TBC1D1: variants seen among roughly 807,000 people sequenced by gnomAD.
The protein encoded by TBC1D1 is TBC1 (tre-2/USP6, BUB2, cdc16) domain family, member 1.
Under a neutral mutation model 125.6 loss-of-function variants are expected in TBC1D1, and 89 were observed. That is an observed-to-expected ratio of 0.71 (90% CI 0.60 to 0.85). TBC1D1 has a LOEUF of 0.85. TBC1D1 is among the 40% of genes least tolerant of loss of function. The pLI is 0.00. For synonymous variants in TBC1D1, 565 were observed against 564.1 expected (o/e 1.00, Z -0.02); for missense variants, 1,377 against 1,469.2 (o/e 0.94, Z 1.03).
rs372190938 is a variant in TBC1D1, at chr4:38,133,078, T to C, written c.3133-6T>C. The C allele has an allele frequency of 2.0e-5, 32 of 1,607,844 alleles. No individual in the cohort carries two copies. The African/African-American group carries it at 4.0e-4, about 20-fold the overall frequency. ...TAGTACGTGATGACTTTTCTTTCTA[T>C]AACAGGTATTTGAAATGGACATCGC... is the stretch of plus-strand genomic sequence containing the variant. On this transcript the variant is annotated splice_polypyrimidine_tract_variant and splice_region_variant and intron_variant, in intron 18 of 19. Coordinates refer to ENST00000261439, the MANE Select transcript of TBC1D1 (RefSeq NM_015173.4).
chr4:37,939,336 G>T (rs556002792), intron 2 of TBC1D1, among the ~76,000 whole-genome samples: 1 of 152,352 alleles, frequency 6.6e-6, no homozygotes, highest in South Asian at 2.1e-4. Flanking sequence ...TTTGAGAAGT[G>T]TCTGTTCCTA....
chr4:38,121,623 C>T (rs1763867256), intron 17 of TBC1D1, among the ~76,000 whole-genome samples: 1 of 152,182 alleles, frequency 6.6e-6, no homozygotes, highest in Non-Finnish European at 1.5e-5. Flanking sequence ...GCGGCTCCAA[C>T]AGTTCACTGT....
chr4:37,910,921 C>T (rs1446895609), intron 2 of TBC1D1, among the ~76,000 whole-genome samples: 1 of 151,542 alleles, frequency 6.6e-6, no homozygotes, highest in Non-Finnish European at 1.5e-5. Flanking sequence ...AATATATATA[C>T]CTACTATGCA....
chr4:38,062,928 C>T (rs980180989), intron 12 of TBC1D1, among the ~76,000 whole-genome samples: 1 of 152,066 alleles, frequency 6.6e-6, no homozygotes, highest in Non-Finnish European at 1.5e-5. Flanking sequence ...AGAGTCACAT[C>T]GCCTGGATTT....
intron 5 of TBC1D1, among the ~76,000 whole-genome samples, chr4:38,021,245 C>T (rs1469689708): frequency 6.6e-6 from 1 of 152,170 alleles, no homozygotes; most frequent in Non-Finnish European, 1.5e-5. Context: ...TATCATAGAA[C>T]AGCACAGGAA....
intron 1 of TBC1D1, among the ~76,000 whole-genome samples, chr4:37,900,344 T>C (rs921915306): frequency 2.6e-5 from 4 of 151,426 alleles, no homozygotes; most frequent in Non-Finnish European, 4.4e-5. Flanking sequence ...GTGTAGACCT[T>C]ACCTTGGAGG....
At chr4:38,104,294 G>A (rs147882999) in intron 15 of TBC1D1, among the ~76,000 whole-genome samples, 4 of 152,078 alleles carry the variant, frequency 2.6e-5, no homozygotes, top group Non-Finnish European at 2.9e-5. Context: ...CCTATCCCCC[G>A]AGGATGCCAA....
At chr4:38,019,703 T>TCTGATAG (rs1743588461) in intron 4 of TBC1D1, among the ~76,000 whole-genome samples, 1 of 152,192 alleles carries the variant, frequency 6.6e-6, no homozygotes, top group South Asian at 2.1e-4. Flanking sequence ...TTAAGGTGCC[T>TCTGATAG]CTGATAGCTG....
intron 2 of TBC1D1, among the ~76,000 whole-genome samples, chr4:37,927,130 G>T (rs1197792192): frequency 1.4e-5 from 2 of 147,014 alleles, no homozygotes; most frequent in African/African-American, 2.5e-5. Context: ...AAAAAGAAAA[G>T]GAAAAAAAAA....
intron 1 of TBC1D1, among the ~76,000 whole-genome samples, chr4:37,892,100 A>G (rs1469486889): frequency 2.0e-5 from 3 of 152,094 alleles, no homozygotes; most frequent in African/African-American, 7.2e-5. Context: ...ATATTAATGG[A>G]TATGTTTTCC....
At chr4:38,080,442 A>C (rs563379255) in intron 12 of TBC1D1, among the ~76,000 whole-genome samples, 18 of 152,310 alleles carry the variant, frequency 1.2e-4, no homozygotes, top group African/African-American at 4.3e-4. Flanking sequence ...TGCCCAGCAC[A>C]GGAGGCCCTT....
intron 2 of TBC1D1, among the ~76,000 whole-genome samples, chr4:37,961,694 T>C (rs1274173473): frequency 1.3e-5 from 2 of 152,210 alleles, no homozygotes; most frequent in African/African-American, 4.8e-5. Flanking sequence ...TCATTATACA[T>C]GTTAGTGGTT....
chr4:37,930,252 A>G (rs557893215), intron 2 of TBC1D1, among the ~76,000 whole-genome samples: 6 of 152,232 alleles, frequency 3.9e-5, no homozygotes, highest in Admixed American at 3.3e-4. Flanking sequence ...GAGAAAATAC[A>G]TACTGTATGA....
chr4:38,053,267 G>T (rs1285442877), intron 11 of TBC1D1, 42 bp downstream of exon 13: 27 of 1,369,900 alleles, frequency 2.0e-5, no homozygotes, highest in Non-Finnish European at 2.6e-5. Flanking sequence ...GTGTTACTAA[G>T]TGTTGAATAT....
intron 2 of TBC1D1, among the ~76,000 whole-genome samples, chr4:37,972,232 C>CA (rs11400134): frequency 0.63 from 95,118 of 151,912 alleles, 30,219 homozygotes; most frequent in East Asian, 0.93. Context: ...CCTGTCATCT[C>CA]GCACTTTGGG....
chr4:38,035,565 T>C, intron 7 of TBC1D1, 23 bp from the exon 8 acceptor site: 2 of 1,579,964 alleles, frequency 1.3e-6, no homozygotes, highest in Non-Finnish European at 1.7e-6. Flanking sequence ...AAATAAATCC[T>C]GTTTCTGATT....
Position 38,112,406 on chromosome 4 carries a change from T to C in TBC1D1, c.2558-3304T>C, listed in dbSNP as rs2152568965. Among the ~76,000 whole-genome samples, 2 of 152,352 alleles carry C rather than the reference T, an allele frequency of 1.3e-5. 1 individual carries two copies. Among genetic ancestry groups the C allele is most frequent in the South Asian group, 4.1e-4 (2 of 4,828 alleles). On this transcript the variant is annotated intron_variant, in intron 15 of 19. Transcript: ENST00000261439. ...ACAGAACGGTCATAAGTGTGCCCTTTTGTCCTCTTGTTTGGAAACTGGGTT... is the reference window on the plus strand; with the variant it reads ...ACAGAACGGTCATAAGTGTGCCCTTCTGTCCTCTTGTTTGGAAACTGGGTT...
chr4:38,001,794 A>T (rs1353554508), intron 2 of TBC1D1, among the ~76,000 whole-genome samples: 1 of 152,214 alleles, frequency 6.6e-6, no homozygotes, highest in Non-Finnish European at 1.5e-5. Context: ...ACAGTTTTAT[A>T]CATCTCTCAA....
At chr4:38,023,962 G>A (rs573141162) in intron 6 of TBC1D1, among the ~76,000 whole-genome samples, 10 of 152,062 alleles carry the variant, frequency 6.6e-5, no homozygotes, top group Non-Finnish European at 1.2e-4. Context: ...GTTCCTTTAC[G>A]TCCTCGCAAG....
Sources: allele counts gnomAD v4.1 joint callset (sites outside exome capture counted in the v4.1 genomes callset), GRCh38; gene constraint gnomAD v4.1.1; transcripts MANE v1.5; gene names NCBI Gene and HGNC (gene_info 2026-07-23, HGNC 2026-07-21).